GSG1L2: variants seen among roughly 807,000 people sequenced by gnomAD.
GSG1L2 encodes the protein GSG1 like 2.
In GSG1L2, 15 loss-of-function variants were observed where a neutral mutation model predicts 9.0. The ratio of observed to expected loss-of-function variants is 1.67; its 90% confidence interval spans 1.12 to 2.57. The LOEUF (loss-of-function observed/expected upper bound fraction) is 2.57, where lower values mean the gene tolerates loss of function less well. Among genes scored for constraint, GSG1L2 ranks in the 30% most tolerant of loss-of-function variants. The pLI is 0.00. For synonymous variants in GSG1L2, 127 were observed against 57.9 expected, an observed-to-expected ratio of 2.19 and a Z score of -5.41; for missense variants, 286 against 150.3, an observed-to-expected ratio of 1.90 and a Z score of -4.72.
At chr17:9,809,136 C>T (rs749698083) in intron 2 of GSG1L2, 154 bp from the exon 3 acceptor site, 34 of 591,268 alleles carry the variant, frequency 5.8e-5, no homozygotes, top group Non-Finnish European at 8.0e-5. Flanking sequence ...TCTTAGCTGG[C>T]AATGGAAAGG....
chr17:9,816,735 A>ATG (rs76425342), intron 1 of GSG1L2, among the ~76,000 whole-genome samples: 7 of 122,930 alleles, frequency 5.7e-5, no homozygotes, highest in Admixed American at 3.9e-4. Flanking sequence ...CTGTGTGTGC[A>ATG]TGTGTGTATC....
chr17:9,801,416 A>G lies in GSG1L2; in HGVS notation c.*970T>C, dbSNP rs2152021495. ...TTTTTAGTAGAGACAGGGTTTCACC[A>G]TGTTGGCCAGGCTGGTCTCGAACTC... On this transcript the variant is annotated 3_prime_UTR_variant, in exon 5 of 5. Transcript: ENST00000399363. Among the ~76,000 whole-genome samples the G allele has an allele frequency of 1.3e-5, 2 of 151,670 alleles. 1 individual carries two copies. The highest frequency in any genetic ancestry group is 4.2e-4 in the South Asian group (2 of 4,806).
intron 4 of GSG1L2, chr17:9,804,064 G>A (rs1250310897): frequency 6.6e-6 from 1 of 152,262 alleles, no homozygotes; most frequent in African/African-American, 2.4e-5. Flanking sequence ...ACTGAAACGA[G>A]AGTAAAGGGA....
rs768808404 is a variant in GSG1L2 at position 9,822,045 on chromosome 17, C to T, written c.27G>A (p.Ala9=). ...CGAGGCAGACAGGGAGGAGGAGCAG[C>T]GCCTGCTGCTGCTTGGCCCTGTCCA... The part of the protein sequence containing the change: MDRAKQQQ[A]LLLLPVCLAL... Residue 9 remains alanine (A), a synonymous_variant, in exon 1 of 5, where the codon GCG becomes GCA. Coordinates refer to ENST00000399363, the MANE Select transcript of GSG1L2 (RefSeq NM_001310219.2). 9 of 701,974 alleles carry T rather than the reference C, an allele frequency of 1.3e-5. No homozygotes were observed. The highest frequency in any genetic ancestry group is 1.0e-4 in the Admixed American group (5 of 50,012). The allele number at this position is 701,974 out of a possible 1,614,324, so 43.5% of individuals were successfully genotyped here.
Position 9,816,204 on chromosome 17 carries a change from A to T in GSG1L2, c.310+5558T>A, listed in dbSNP as rs1384291240. On this transcript the variant is annotated intron_variant, in intron 1 of 4. Coordinates refer to ENST00000399363, the MANE Select transcript of GSG1L2 (RefSeq NM_001310219.2). The stretch of plus-strand genomic sequence containing the variant: ...CTGTTTTAAGCAACAGAGAATGGAC[A>T]ACGACAGAAGTCAAGAAATACATCC... 2.6e-5 allele frequency among the ~76,000 whole-genome samples: 4 copies of T among 152,268 alleles called. No individual in the cohort carries two copies. In the East Asian group the frequency reaches 7.7e-4, roughly 29 times the overall value.
intron 1 of GSG1L2, among the ~76,000 whole-genome samples, chr17:9,818,339 TG>T (rs1345817698): frequency 4.0e-5 from 6 of 151,872 alleles, no homozygotes; most frequent in Non-Finnish European, 8.8e-5. Flanking sequence ...AGTTTTGTTT[TG>T]TTTTGTTTTT....
rs1028133238 is a variant in GSG1L2 at position 9,820,145 on chromosome 17, C to A, written c.310+1617G>T. Reference sequence around the variant, plus strand: ...AATAAGAATACAGACCTCTAGACTCCACCCCGGCTCTCTTAAATTAGAACC... The same window carrying A: ...AATAAGAATACAGACCTCTAGACTCAACCCCGGCTCTCTTAAATTAGAACC... On this transcript the variant is annotated intron_variant, in intron 1 of 4. Coordinates refer to ENST00000399363, the MANE Select transcript of GSG1L2 (RefSeq NM_001310219.2). This position sits in a 1 kb window ranked among gnomAD's most constrained non-coding sequence, Gnocchi z 4.9. Among the ~76,000 whole-genome samples, 5 of 151,958 alleles carry A rather than the reference C, an allele frequency of 3.3e-5. No homozygotes were observed. The highest frequency in any genetic ancestry group is 1.2e-4 in the African/African-American group (5 of 41,386).
chr17:9,816,664 CGT>C (rs72167303), intron 1 of GSG1L2, among the ~76,000 whole-genome samples: 71,932 of 131,608 alleles, frequency 0.55, 18,878 homozygotes, highest in East Asian at 0.98. Flanking sequence ...TCTGTGTGTG[CGT>C]GTGTGTCTGT....
At chr17:9,814,189 C>T (rs2066550668) in intron 1 of GSG1L2, among the ~76,000 whole-genome samples, 1 of 152,206 alleles carries the variant, frequency 6.6e-6, no homozygotes, top group Non-Finnish European at 1.5e-5. Context: ...CCGCCTCGGC[C>T]TCCCGAAGTG....
intron 2 of GSG1L2, chr17:9,809,347 C>T (rs1351555818): frequency 1.6e-5 from 5 of 316,480 alleles, no homozygotes; most frequent in South Asian, 3.1e-5. Context: ...ACTTCAAGAA[C>T]GAAGCCACAG....
intron 3 of GSG1L2, 106 bp from the exon 4 acceptor site, chr17:9,807,707 T>G: frequency 1.5e-6 from 1 of 674,338 alleles, no homozygotes; most frequent in South Asian, 1.6e-5. Flanking sequence ...CATAAAGTCC[T>G]TTTGATGTAT....
At chr17:9,816,106 C>T (rs1020264135) in intron 1 of GSG1L2, among the ~76,000 whole-genome samples, 6 of 152,168 alleles carry the variant, frequency 3.9e-5, no homozygotes, top group African/African-American at 1.4e-4. Flanking sequence ...CTCCCTCGAC[C>T]GTGGATTTCC....
intron 4 of GSG1L2, chr17:9,804,121 A>G (rs1236388855): frequency 2.0e-5 from 3 of 152,386 alleles, no homozygotes; most frequent in South Asian, 2.1e-4. Context: ...TGGAGAGGAG[A>G]CATGAGAGTA....
chr17:9,815,387 C>T (rs114615955), intron 1 of GSG1L2, among the ~76,000 whole-genome samples: 4 of 152,134 alleles, frequency 2.6e-5, no homozygotes, highest in Non-Finnish European at 4.4e-5. Flanking sequence ...TCAGTCTTCT[C>T]GTCTGTAAAA....
At position 9,810,587 on chromosome 17, in the gene GSG1L2, C is replaced by T. The variant is rs1389436797; in HGVS notation, c.342G>A (p.Val114=). 3 of 702,886 alleles carry T rather than the reference C, an allele frequency of 4.3e-6. No homozygotes were observed. Among genetic ancestry groups the T allele is most frequent in the African/African-American group, 3.5e-5 (2 of 57,258 alleles). The allele number at this position is 702,886 out of a possible 1,614,324, so 43.5% of individuals were successfully genotyped here. Residue 114 remains valine (V), a synonymous_variant, in exon 2 of 5, where the codon GTG becomes GTA. Transcript: ENST00000399363. ...GGTATTTACCTTGTTCTTCAGCTGGCACTACACTCCGGAAACTCCTACACT... is the reference window on the plus strand; with the variant it reads ...GGTATTTACCTTGTTCTTCAGCTGGTACTACACTCCGGAAACTCCTACACT... The part of the protein sequence containing the change: ...DEKCRSFRSV[V]PAEEQGVLWL...
At chr17:9,803,451 C>A (rs1178771959) in intron 4 of GSG1L2, among the ~76,000 whole-genome samples, 5 of 152,190 alleles carry the variant, frequency 3.3e-5, no homozygotes, top group Non-Finnish European at 7.3e-5. Context: ...CTGTTGCATA[C>A]TGAGATGATG....
At chr17:9,808,436 T>C (rs369568211) in intron 3 of GSG1L2, among the ~76,000 whole-genome samples, 1 of 152,320 alleles carries the variant, frequency 6.6e-6, no homozygotes, top group Non-Finnish European at 1.5e-5. Flanking sequence ...AGATACATTA[T>C]AGTGTTCTGT....
chr17:9,804,344 C>T (rs1022848264), intron 4 of GSG1L2: 3 of 152,260 alleles, frequency 2.0e-5, no homozygotes, highest in Non-Finnish European at 2.9e-5. Flanking sequence ...CTCCATCCCA[C>T]CTCCCTTTCC....
intron 1 of GSG1L2, chr17:9,810,948 C>T (rs2066536650): frequency 2.8e-6 from 1 of 351,216 alleles, no homozygotes; most frequent in East Asian, 5.6e-5. Context: ...TCTCCATCAG[C>T]CTGGGTCCCT....
Sources: gnomAD v4.1 joint callset for allele counts (sites outside exome capture counted in the v4.1 genomes callset) on GRCh38, gnomAD v4.1.1 for gene constraint, Gnocchi (gnomAD v3.1) non-coding constraint, MANE v1.5 for transcripts, NCBI Gene and HGNC (gene_info 2026-07-23, HGNC 2026-07-21) for gene names.